Variants in AKT3 observed in about 807,000 individuals in gnomAD.
AKT3 encodes the protein RAC-gamma serine/threonine-protein kinase.
Under a neutral mutation model 65.3 loss-of-function variants are expected in AKT3, and 15 were observed. The ratio of observed to expected loss-of-function variants is 0.23; its 90% CI spans 0.15 to 0.35. The LOEUF (loss-of-function observed/expected upper bound fraction) is 0.35, where lower values mean the gene tolerates loss of function less well. AKT3 is among the 10% of genes least tolerant of loss of function. The probability of loss-of-function intolerance (pLI) is 1.00; values close to 1 mark genes in which losing one functional copy is unlikely to be tolerated. For missense variants in AKT3, 243 were observed against 576.5 expected (o/e 0.42, Z 5.92); for synonymous variants, 206 against 183.8 (o/e 1.12, Z -0.98).
intron 8 of AKT3, among the ~76,000 whole-genome samples, chr1:243,573,350 C>G (rs1674700822): frequency 6.6e-6 from 1 of 152,050 alleles, no homozygotes; most frequent in African/African-American, 2.4e-5. Context: ...GCAGTTTCCC[C>G]CTCACTATAC....
intron 13 of AKT3, among the ~76,000 whole-genome samples, chr1:243,511,170 C>T (rs1452865996): frequency 2.0e-5 from 3 of 152,248 alleles, no homozygotes; most frequent in African/African-American, 7.2e-5. Flanking sequence ...GCCTGGACAT[C>T]GGTCAAGTTG....
intron 8 of AKT3, among the ~76,000 whole-genome samples, chr1:243,581,834 A>AG (rs201539757): frequency 0.01 from 1,520 of 150,384 alleles, 22 homozygotes; most frequent in African/African-American, 0.036. Flanking sequence ...GAAAATCAAC[A>AG]AAAAAAAACT....
At chr1:243,685,275 T>TA (rs1233406724) in intron 3 of AKT3, among the ~76,000 whole-genome samples, 2 of 152,340 alleles carry the variant, frequency 1.3e-5, no homozygotes, top group East Asian at 3.9e-4. Context: ...CCAGGGTTTT[T>TA]ATGGTTTTAC....
intron 3 of AKT3, among the ~76,000 whole-genome samples, chr1:243,675,150 T>C (rs181636562): frequency 5.3e-5 from 8 of 152,210 alleles, no homozygotes; most frequent in Non-Finnish European, 2.9e-5. Context: ...AGTGCATACA[T>C]ACCACAGTGA....
chr1:243,681,010 C>A (rs1467304081), intron 3 of AKT3, among the ~76,000 whole-genome samples: 1 of 152,068 alleles, frequency 6.6e-6, no homozygotes, highest in African/African-American at 2.4e-5. Flanking sequence ...ACCTCAAGGC[C>A]CTACTGTAAG....
intron 3 of AKT3, among the ~76,000 whole-genome samples, chr1:243,669,960 T>G (rs1683055390): frequency 6.6e-6 from 1 of 152,174 alleles, no homozygotes; most frequent in Non-Finnish European, 1.5e-5. Context: ...ATATGAAATG[T>G]CAGTTATGGG....
intron 6 of AKT3, among the ~76,000 whole-genome samples, chr1:243,630,316 A>T (rs1457032084): frequency 1.7e-4 from 26 of 152,204 alleles, no homozygotes; most frequent in Non-Finnish European, 5.9e-5. Flanking sequence ...TTATAACCCA[A>T]ATCAGGAATG....
At chr1:243,583,630 A>G (rs957206000) in intron 8 of AKT3, among the ~76,000 whole-genome samples, 1 of 151,944 alleles carries the variant, frequency 6.6e-6, no homozygotes, top group Non-Finnish European at 1.5e-5. Flanking sequence ...ATCTTGGACC[A>G]CAGTGGAATA....
At chr1:243,822,365 G>A (rs1693905746) in intron 2 of AKT3, among the ~76,000 whole-genome samples, 1 of 150,376 alleles carries the variant, frequency 6.6e-6, no homozygotes, top group East Asian at 2.0e-4. Context: ...ACAACTAAAA[G>A]AACTAGAGAA....
intron 12 of AKT3, among the ~76,000 whole-genome samples, chr1:243,520,755 A>C (rs1311903864): frequency 6.6e-6 from 1 of 152,236 alleles, no homozygotes; most frequent in Non-Finnish European, 1.5e-5. Flanking sequence ...TTCTGGGTTC[A>C]AGACATCAAT....
At chr1:243,547,948 A>C (rs1281504486) in intron 11 of AKT3, 2 of 152,210 alleles carry the variant, frequency 1.3e-5, no homozygotes, top group Non-Finnish European at 2.9e-5. Context: ...TGGAATTTTC[A>C]GACTGGTAGT....
intron 12 of AKT3, among the ~76,000 whole-genome samples, chr1:243,516,680 A>AAGCAATCCTCCTGCCTCAGCCTCCTTG (rs1194553680): frequency 1.1e-4 from 16 of 150,316 alleles, no homozygotes; most frequent in South Asian, 4.2e-4. Flanking sequence ...CAGCCTCCTG[A>AAGCAATCCTCCTGCCTCAGCCTCCTTG]AGCAATCCTC....
intron 3 of AKT3, among the ~76,000 whole-genome samples, chr1:243,668,440 G>T (rs1682946054): frequency 1.3e-5 from 2 of 152,090 alleles, no homozygotes; most frequent in African/African-American, 4.8e-5. Flanking sequence ...CACTGCTTCT[G>T]TTTTTTTCAG....
chr1:243,505,063 C>T lies in AKT3; in HGVS notation c.*186G>A. ...ATACAATTTCATGCAAAAACAAAAA[C>T]TGGAGTGTATTTGCGTGTATGTGTG... On this transcript the variant is annotated 3_prime_UTR_variant, in exon 14 of 14. Coordinates refer to ENST00000673466, the MANE Select transcript of AKT3 (RefSeq NM_005465.7). 1 of 553,592 alleles carries T rather than the reference C, an allele frequency of 1.8e-6. No individual in the cohort carries two copies. The highest frequency in any genetic ancestry group is 3.2e-6 in the Non-Finnish European group (1 of 312,052). The allele number at this position is 553,592 out of a possible 1,614,324, so 34.3% of individuals were successfully genotyped here.
intron 2 of AKT3, among the ~76,000 whole-genome samples, chr1:243,730,710 C>T (rs904260523): frequency 2.6e-5 from 4 of 152,204 alleles, no homozygotes; most frequent in Non-Finnish European, 5.9e-5. Context: ...CTCGCCGAGC[C>T]GCGGGTGGAG....
intron 8 of AKT3, among the ~76,000 whole-genome samples, chr1:243,581,424 T>C (rs985631533): frequency 2.0e-5 from 3 of 152,066 alleles, no homozygotes; most frequent in Non-Finnish European, 4.4e-5. Flanking sequence ...GCAGGTCAAA[T>C]GCCACAGCCC....
chr1:243,783,483 G>A (rs1691040877), intron 2 of AKT3, among the ~76,000 whole-genome samples: 1 of 152,056 alleles, frequency 6.6e-6, no homozygotes, highest in Non-Finnish European at 1.5e-5. Flanking sequence ...TCTGGACTAG[G>A]TATAACTCTG....
At chr1:243,738,861 T>C (rs897785694) in intron 2 of AKT3, among the ~76,000 whole-genome samples, 3 of 152,234 alleles carry the variant, frequency 2.0e-5, no homozygotes, top group Non-Finnish European at 4.4e-5. Context: ...TTTTAGTTTG[T>C]CAATAAAAAA....
chr1:243,707,804 A>AC (rs1685896544), intron 2 of AKT3, among the ~76,000 whole-genome samples: 1 of 152,100 alleles, frequency 6.6e-6, no homozygotes, highest in Non-Finnish European at 1.5e-5. Context: ...TCAGGTCTTT[A>AC]CCTCTACTTT....
Sources: allele counts gnomAD v4.1 joint callset (sites outside exome capture counted in the v4.1 genomes callset), GRCh38; gene constraint gnomAD v4.1.1; transcripts MANE v1.5; gene names NCBI Gene and HGNC (gene_info 2026-07-23, HGNC 2026-07-21).